Variants in WWC1 observed in about 807,000 individuals in gnomAD.
WWC1 encodes WW and C2 domain containing 1, also known as protein KIBRA.
A neutral mutation model predicts 138.4 loss-of-function variants in WWC1; 55 were observed. The ratio of observed to expected loss-of-function variants is 0.40; its 90% confidence interval spans 0.32 to 0.50. The LOEUF (loss-of-function observed/expected upper bound fraction) is 0.50, where lower values mean the gene tolerates loss of function less well. WWC1 is among the 20% of genes least tolerant of loss of function. WWC1 has a pLI of 0.72. For synonymous variants in WWC1, 524 were observed against 564.9 expected (o/e 0.93, Z 1.03); for missense variants, 1,226 against 1,420.4 (o/e 0.86, Z 2.20).
chr5:168,366,198 T>C (rs1212449795), intron 1 of WWC1, among the ~76,000 whole-genome samples: 1 of 152,224 alleles, frequency 6.6e-6, no homozygotes, highest in East Asian at 1.9e-4. Flanking sequence ...TATGTATGTG[T>C]GAGTGTGTCT....
intron 2 of WWC1, among the ~76,000 whole-genome samples, chr5:168,378,846 CAGATGTTTTTA>C (rs764487577): frequency 8.5e-5 from 13 of 152,152 alleles, no homozygotes; most frequent in Non-Finnish European, 1.8e-4. Flanking sequence ...GAATATTCTC[CAGATGTTTTTA>C]AGAGAATTGC....
At chr5:168,446,892 T>C (rs538957924) in intron 17 of WWC1, among the ~76,000 whole-genome samples, 1 of 152,364 alleles carries the variant, frequency 6.6e-6, no homozygotes, top group East Asian at 1.9e-4. Context: ...CCACAGCCTA[T>C]GAGTCTTGCC....
chr5:168,399,623 C>A, intron 5 of WWC1, 56 bp downstream of exon 5: 1 of 1,543,534 alleles, frequency 6.5e-7, no homozygotes. Flanking sequence ...TGGTTCCCCT[C>A]CTGTCCTCTC....
chr5:168,439,804 A>G (rs1020963435), intron 15 of WWC1, among the ~76,000 whole-genome samples: 13 of 152,274 alleles, frequency 8.5e-5, no homozygotes, highest in African/African-American at 3.1e-4. Flanking sequence ...GCTAGATATG[A>G]CTAAATTCCT....
intron 15 of WWC1, among the ~76,000 whole-genome samples, chr5:168,440,743 C>G: frequency 6.6e-6 from 1 of 152,132 alleles, no homozygotes; most frequent in East Asian, 1.9e-4. Context: ...TCTCGATCTC[C>G]CGACCTCAGA....
At chr5:168,397,396 G>A (rs1197765929) in intron 3 of WWC1, among the ~76,000 whole-genome samples, 3 of 152,138 alleles carry the variant, frequency 2.0e-5, no homozygotes, top group Non-Finnish European at 4.4e-5. Flanking sequence ...CCCTGCCTCA[G>A]CCTCCCAAAG....
chr5:168,464,215 A>T (rs1757052630), intron 20 of WWC1, among the ~76,000 whole-genome samples: 1 of 152,198 alleles, frequency 6.6e-6, no homozygotes, highest in Non-Finnish European at 1.5e-5. Flanking sequence ...ACAGGAACAC[A>T]AAGTCAAGAA....
chr5:168,393,753 G>C (rs567723402), intron 3 of WWC1, among the ~76,000 whole-genome samples: 1 of 152,138 alleles, frequency 6.6e-6, no homozygotes, highest in African/African-American at 2.4e-5. Context: ...AGAGCAGCTC[G>C]CTCACACTGA....
At chr5:168,337,692 A>G (rs754602423) in intron 1 of WWC1, among the ~76,000 whole-genome samples, 1 of 152,238 alleles carries the variant, frequency 6.6e-6, no homozygotes, top group Non-Finnish European at 1.5e-5. Context: ...GGAGACAGAA[A>G]TTCAATGACC....
intron 5 of WWC1, among the ~76,000 whole-genome samples, chr5:168,403,713 A>G (rs1462400681): frequency 2.0e-5 from 3 of 151,826 alleles, no homozygotes; most frequent in Non-Finnish European, 2.9e-5. Context: ...TCTACAAAGC[A>G]CGAGCCCTGC....
chr5:168,382,244 T>A (rs1335670196), intron 2 of WWC1, among the ~76,000 whole-genome samples: 1 of 152,204 alleles, frequency 6.6e-6, no homozygotes, highest in Non-Finnish European at 1.5e-5. Context: ...CAGACCAATA[T>A]AAATGGCATG....
chr5:168,411,973 GA>G, intron 8 of WWC1: 10 of 985,180 alleles, frequency 1.0e-5, no homozygotes, highest in Non-Finnish European at 1.2e-5. Flanking sequence ...TGGTCAGGTA[GA>G]AAAAAACAGA....
At chr5:168,440,103 T>G (rs1355607832) in intron 15 of WWC1, among the ~76,000 whole-genome samples, 1 of 152,130 alleles carries the variant, frequency 6.6e-6, no homozygotes, top group Non-Finnish European at 1.5e-5. Flanking sequence ...AGAATGGGTA[T>G]TCAACAACAA....
At position 168,470,516 on chromosome 5, in the gene WWC1, T is replaced by G. The variant is rs1379343795; in HGVS notation, c.*1499T>G. On this transcript the variant is annotated 3_prime_UTR_variant, in exon 23 of 23. Coordinates refer to ENST00000265293, the MANE Select transcript of WWC1 (RefSeq NM_015238.3). ...TCCAGCCTGGGTGACAGAGCAAGAC[T>G]CCGTCTCAAAAAAAAAAAAAAAAGA... 1 of 139,916 alleles carries G rather than the reference T, an allele frequency of 7.1e-6. No homozygotes were observed. Among genetic ancestry groups the G allele is most frequent in the African/African-American group, 2.7e-5 (1 of 37,096 alleles). The allele number at this position is 139,916 out of a possible 1,614,324, so 8.7% of individuals were successfully genotyped here. A position where few individuals can be genotyped will look rare whatever the true frequency, so the allele number is the denominator to read the frequency against.
intron 1 of WWC1, among the ~76,000 whole-genome samples, chr5:168,312,681 G>A (rs986939327): frequency 2.3e-4 from 35 of 152,218 alleles, no homozygotes; most frequent in Admixed American, 1.9e-3. Context: ...CATGAGAGAT[G>A]CTGAGTTGAA....
intron 8 of WWC1, chr5:168,414,089 A>G (rs184392544): frequency 9.4e-5 from 43 of 455,426 alleles, no homozygotes; most frequent in Admixed American, 8.9e-4. Flanking sequence ...CCACATCTCT[A>G]TTGTACCAGG....
At chr5:168,448,119 G>A (rs969992351) in intron 17 of WWC1, among the ~76,000 whole-genome samples, 2 of 151,992 alleles carry the variant, frequency 1.3e-5, no homozygotes, top group Admixed American at 1.3e-4. Context: ...TCCCCCAGAC[G>A]CTGTCTTACA....
At chr5:168,379,474 AC>A (rs1379566497) in intron 2 of WWC1, among the ~76,000 whole-genome samples, 2 of 152,086 alleles carry the variant, frequency 1.3e-5, no homozygotes, top group Non-Finnish European at 2.9e-5. Flanking sequence ...ATCTTGGCTC[AC>A]TGCAACCTCT....
intron 15 of WWC1, among the ~76,000 whole-genome samples, chr5:168,440,139 G>C (rs541493845): frequency 6.6e-6 from 1 of 152,158 alleles, no homozygotes; most frequent in Non-Finnish European, 1.5e-5. Flanking sequence ...TTGAAAAGGG[G>C]AAAGGACTTG....
Sources: gnomAD v4.1 joint callset for allele counts (sites outside exome capture counted in the v4.1 genomes callset) on GRCh38, gnomAD v4.1.1 for gene constraint, MANE v1.5 for transcripts, NCBI Gene and HGNC (gene_info 2026-07-23, HGNC 2026-07-21) for gene names.